Variants in DLGAP4 observed in about 807,000 individuals in gnomAD.
The protein encoded by DLGAP4 is disks large-associated protein 4.
In DLGAP4, 18 loss-of-function variants were observed where a neutral mutation model predicts 86.9. The observed-to-expected ratio is 0.21, with a 90% CI of 0.14 to 0.31. The LOEUF (loss-of-function observed/expected upper bound fraction) is 0.31, where lower values mean the gene tolerates loss of function less well. DLGAP4 is among the 10% of genes least tolerant of loss of function. The pLI is 1.00. For missense variants in DLGAP4, 1,085 were observed against 1,362.6 expected, an observed-to-expected ratio of 0.80 and a Z score of 3.21; for synonymous variants, 548 against 574.3, an observed-to-expected ratio of 0.95 and a Z score of 0.65.
At chr20:36,388,890 A>C (rs1336478598) in intron 2 of DLGAP4, among the ~76,000 whole-genome samples, 1 of 152,218 alleles carries the variant, frequency 6.6e-6, no homozygotes, top group East Asian at 1.9e-4. Flanking sequence ...GGGCACCCAG[A>C]TGGGCTCTGG....
intron 7 of DLGAP4, chr20:36,473,065 C>G (rs940424618): frequency 6.6e-6 from 1 of 152,252 alleles, no homozygotes; most frequent in Non-Finnish European, 1.5e-5. Flanking sequence ...TTTTAAACTC[C>G]CATCCTTCCG....
At chr20:36,519,486 A>T (rs970560940) in intron 10 of DLGAP4, among the ~76,000 whole-genome samples, 5 of 152,126 alleles carry the variant, frequency 3.3e-5, no homozygotes, top group African/African-American at 7.2e-5. Context: ...GTCAGAGTCT[A>T]TTCATCTATT....
intron 1 of DLGAP4, among the ~76,000 whole-genome samples, chr20:36,336,407 C>T (rs782207815): frequency 2.0e-5 from 3 of 152,162 alleles, no homozygotes; most frequent in Non-Finnish European, 4.4e-5. Context: ...TGTTAAATGT[C>T]GCCTCCTCAA....
In DLGAP4 at chr20:36,466,925, G is replaced by GCT. The variant is rs545978839; in HGVS notation, c.1648+20007_1648+20008dup. On this transcript the variant is annotated intron_variant, in intron 7 of 12. Transcript: ENST00000339266. ...TGGTCAAAGCGAGTCTCTCGCTCTT[G>GCT]CTCTCTCTCTCTCTCTCTCTGTCTC... Among the ~76,000 whole-genome samples the GCT allele has an allele frequency of 9.1e-3, 1,192 of 130,980 alleles. 11 individuals carry two copies. Among genetic ancestry groups the GCT allele is most frequent in the Middle Eastern group, 0.038 (8 of 212 alleles). 85.9% of individuals were successfully genotyped at this position (130,980 alleles called of 152,430 possible).
intron 2 of DLGAP4, among the ~76,000 whole-genome samples, chr20:36,369,100 C>T (rs1300195969): frequency 6.6e-6 from 1 of 152,148 alleles, no homozygotes; most frequent in African/African-American, 2.4e-5. Flanking sequence ...GCCCGGGCGG[C>T]AGCGAGGGAG....
At chr20:36,520,612 G>GCTA (rs1401728455) in intron 10 of DLGAP4, among the ~76,000 whole-genome samples, 3 of 152,156 alleles carry the variant, frequency 2.0e-5, no homozygotes, top group Non-Finnish European at 4.4e-5. Context: ...CTCTCAAAGG[G>GCTA]CTAGGATTAT....
intron 7 of DLGAP4, among the ~76,000 whole-genome samples, chr20:36,494,968 T>G (rs1176979456): frequency 3.4e-5 from 5 of 147,934 alleles, no homozygotes; most frequent in South Asian, 2.1e-4. Flanking sequence ...AAAAAGTGGT[T>G]TTTTTTTTTT....
intron 1 of DLGAP4, among the ~76,000 whole-genome samples, chr20:36,337,421 G>A (rs905823914): frequency 2.0e-5 from 3 of 152,192 alleles, no homozygotes; most frequent in African/African-American, 7.2e-5. Context: ...TGTGAAGGAT[G>A]AGTGGGCATT....
At chr20:36,330,349 A>G (rs996531368) in intron 1 of DLGAP4, among the ~76,000 whole-genome samples, 1 of 152,076 alleles carries the variant, frequency 6.6e-6, no homozygotes, top group Admixed American at 6.6e-5. Context: ...CTGCCCCTCT[A>G]TGCCCCAGGC....
In DLGAP4 at chr20:36,307,774, G is replaced by C. The variant is rs962956238; in HGVS notation, c.-304+1262G>C. Among the ~76,000 whole-genome samples, 6 of 152,276 alleles carry C rather than the reference G, an allele frequency of 3.9e-5. 1 individual carries two copies. Among genetic ancestry groups the C allele is most frequent in the South Asian group, 2.1e-4 (1 of 4,822 alleles). On this transcript the variant is annotated intron_variant, in intron 1 of 12. Coordinates refer to ENST00000339266, the MANE Select transcript of DLGAP4 (RefSeq NM_001365621.2). ...TCCAAGCCTAGTCCCCAGTAGGGAG[G>C]GGGGAGTCCTGGCTCTCTCTGCCTC...
chr20:36,462,493 C>T, intron 7 of DLGAP4: 1 of 1,592,590 alleles, frequency 6.3e-7, no homozygotes, highest in Non-Finnish European at 8.5e-7. Context: ...GTCTCCCCTT[C>T]TCTCTGCTCC....
Position 36,439,859 on chromosome 20 carries a change from C to T in DLGAP4, c.1347C>T (p.Cys449=), listed in dbSNP as rs753181982. The part of the protein sequence containing the change: ...PVSDSLNDSS[C]ISQIFGQASL... Reference sequence around the variant, plus strand: ...GCGACAGCCTCAACGACTCCAGCTGCATCAGCCAGGTGAGGGTGGCAGGGA... The same window carrying T: ...GCGACAGCCTCAACGACTCCAGCTGTATCAGCCAGGTGAGGGTGGCAGGGA... The change falls in exon 5 of 13, where the codon TGC becomes TGT. Residue 449 remains cysteine (C), a synonymous_variant. Coordinates refer to ENST00000339266, the MANE Select transcript of DLGAP4 (RefSeq NM_001365621.2). 1 of 1,613,054 alleles carries T rather than the reference C, an allele frequency of 6.2e-7. No homozygotes were observed. The highest frequency in any genetic ancestry group is 8.5e-7 in the Non-Finnish European group (1 of 1,179,878).
chr20:36,469,977 G>A (rs1209836965), intron 7 of DLGAP4, among the ~76,000 whole-genome samples: 2 of 151,832 alleles, frequency 1.3e-5, no homozygotes, highest in African/African-American at 2.4e-5. Flanking sequence ...GCTGAGCTGG[G>A]GACCCTCCCC....
intron 2 of DLGAP4, among the ~76,000 whole-genome samples, chr20:36,406,338 C>A (rs2032319990): frequency 6.8e-6 from 1 of 146,236 alleles, no homozygotes; most frequent in African/African-American, 2.5e-5. Context: ...GCGGAGCTTG[C>A]AGTGAGCCGA....
In DLGAP4 at chr20:36,432,433, C is replaced by T. The variant is rs763773446; in HGVS notation, c.716C>T (p.Pro239Leu). ...GGCCGCCAGGCAGAACGCAGCCAGCCACGCTACTTCATGCACGCCTACAAC... is the reference window on the plus strand; with the variant it reads ...GGCCGCCAGGCAGAACGCAGCCAGCTACGCTACTTCATGCACGCCTACAAC... ...TLGRQAERSQ[P>L]RYFMHAYNTI... The change falls in exon 3 of 13, where the codon CCA becomes CTA. Residue 239 changes from proline to leucine, a missense_variant. Transcript: ENST00000339266. The surrounding 1 kb of genome is among the most constrained non-coding windows in gnomAD (Gnocchi z 6.5). 1 of 1,613,856 alleles carries T rather than the reference C, an allele frequency of 6.2e-7. No individual in the cohort carries two copies. Among genetic ancestry groups the T allele is most frequent in the Non-Finnish European group, 8.5e-7 (1 of 1,180,042 alleles).
At chr20:36,394,586 G>A (rs376621790) in intron 2 of DLGAP4, among the ~76,000 whole-genome samples, 1 of 152,144 alleles carries the variant, frequency 6.6e-6, no homozygotes, top group East Asian at 1.9e-4. Flanking sequence ...GCACGTGTGC[G>A]CACGAGCCTC....
Position 36,462,574 on chromosome 20 carries a change from T to G in DLGAP4, c.1648+15637T>G, listed in dbSNP as rs1441693784. The G allele has an allele frequency of 4.4e-6, 7 of 1,600,728 alleles. No homozygotes were observed. In the East Asian group the frequency reaches 1.6e-4, roughly 37 times the overall value. ...CTGACCCCCATCCGGCCCTCATGGC[T>G]TTGTGTCTGGAGCTCTTGAAGCAAT... On this transcript the variant is annotated intron_variant, in intron 7 of 12. Coordinates refer to ENST00000339266, the MANE Select transcript of DLGAP4 (RefSeq NM_001365621.2).
chr20:36,482,864 G>A (rs557283892), intron 7 of DLGAP4, among the ~76,000 whole-genome samples: 166 of 151,810 alleles, frequency 1.1e-3, no homozygotes, highest in African/African-American at 3.7e-3. Flanking sequence ...TAGAGACAGG[G>A]TTTCACCATG....
At chr20:36,320,894 G>C (rs1314573933) in intron 1 of DLGAP4, among the ~76,000 whole-genome samples, 2 of 152,150 alleles carry the variant, frequency 1.3e-5, no homozygotes, top group African/African-American at 4.8e-5. Context: ...TCTGCCCCCA[G>C]CTTCCTCTGA....
Sources: allele counts gnomAD v4.1 joint callset (sites outside exome capture counted in the v4.1 genomes callset), GRCh38; gene constraint gnomAD v4.1.1; non-coding constraint Gnocchi (gnomAD v3.1); transcripts MANE v1.5; gene names NCBI Gene and HGNC (gene_info 2026-07-23, HGNC 2026-07-21).